The following CNTN6 variants were observed in gnomAD, a reference collection of about 807,000 sequenced individuals.
CNTN6 encodes contactin 6, also known as contactin-6.
A neutral mutation model predicts 122.8 loss-of-function variants in CNTN6; 137 were observed. The ratio of observed to expected loss-of-function variants is 1.12; its 90% CI spans 0.97 to 1.29. The LOEUF is 1.29. Ranked by LOEUF, CNTN6 falls within the 50% of genes most tolerant of loss-of-function variation. The pLI is 0.00. For synonymous variants in CNTN6, 570 were observed against 426.0 expected (o/e 1.34, Z -4.16); for missense variants, 1,634 against 1,223.4 (o/e 1.34, Z -5.01).
intron 5 of CNTN6, among the ~76,000 whole-genome samples, chr3:1,287,314 C>G (rs1694518459): frequency 6.6e-6 from 1 of 152,124 alleles, no homozygotes; most frequent in Non-Finnish European, 1.5e-5. Flanking sequence ...TACTAGATGC[C>G]AATCGCACTG....
chr3:1,258,605 A>C (rs1341387201), intron 4 of CNTN6, among the ~76,000 whole-genome samples: 3 of 152,086 alleles, frequency 2.0e-5, no homozygotes, highest in Non-Finnish European at 4.4e-5. Context: ...TTAGTCTTTC[A>C]AATAAAAGAA....
Position 1,295,639 on chromosome 3 carries a change from T to C in CNTN6, c.493T>C (p.Tyr165His), listed in dbSNP as rs757959832. ...ATGGACCTTCAATGATAACCCCTTA[T>C]ACGTCCAAGAGGACAATAGGCGATT... ...YAWTFNDNPL[Y>H]VQEDNRRFVS... Residue 165 changes from tyrosine (Y) to histidine (H), a missense_variant, in exon 6 of 23, where the codon TAC becomes CAC. By Grantham distance (83) the Tyr-to-His change is moderately conservative. Coordinates refer to ENST00000446702, the MANE Select transcript of CNTN6 (RefSeq NM_001289080.2). 6.2e-7 allele frequency: 1 copy of C among 1,613,874 alleles called. No homozygotes were observed. The highest frequency in any genetic ancestry group is 8.5e-7 in the Non-Finnish European group (1 of 1,179,880).
At chr3:1,385,132 TTC>T (rs1379029598) in intron 19 of CNTN6, among the ~76,000 whole-genome samples, 3 of 152,092 alleles carry the variant, frequency 2.0e-5, no homozygotes, top group South Asian at 2.1e-4. Context: ...ACTTAATTTA[TTC>T]TCTTTTTTTT....
intron 2 of CNTN6, among the ~76,000 whole-genome samples, chr3:1,156,704 C>T (rs1365442522): frequency 8.4e-6 from 1 of 119,096 alleles, no homozygotes. Context: ...TTCCTTCCTT[C>T]CTTCCTTCTT....
chr3:1,197,098 C>A (rs1017130749), intron 2 of CNTN6, among the ~76,000 whole-genome samples: 1 of 152,222 alleles, frequency 6.6e-6, no homozygotes, highest in Non-Finnish European at 1.5e-5. Flanking sequence ...CCAAGCTCTC[C>A]TCTTGATTGC....
chr3:1,200,434 T>G (rs2093846635), intron 2 of CNTN6, among the ~76,000 whole-genome samples: 2 of 152,148 alleles, frequency 1.3e-5, no homozygotes, highest in South Asian at 4.1e-4. Flanking sequence ...ATGGAGGCCA[T>G]CTGTGGTACC....
At chr3:1,342,948 T>C (rs1424193885) in intron 11 of CNTN6, among the ~76,000 whole-genome samples, 1 of 152,136 alleles carries the variant, frequency 6.6e-6, no homozygotes, top group Non-Finnish European at 1.5e-5. Flanking sequence ...TGCCTGCCTC[T>C]CCTGCCTCTC....
At chr3:1,388,463 A>G (rs1410095452) in intron 20 of CNTN6, among the ~76,000 whole-genome samples, 4 of 151,796 alleles carry the variant, frequency 2.6e-5, no homozygotes, top group African/African-American at 9.7e-5. Context: ...AAGATGGGGA[A>G]AAAACAGAAC....
chr3:1,296,354 C>A (rs1290215505), intron 6 of CNTN6, among the ~76,000 whole-genome samples: 1 of 152,088 alleles, frequency 6.6e-6, no homozygotes, highest in African/African-American at 2.4e-5. Context: ...AATTATATTC[C>A]TCCAAGGAAC....
At chr3:1,144,311 C>G (rs968976609) in intron 1 of CNTN6, among the ~76,000 whole-genome samples, 2 of 152,108 alleles carry the variant, frequency 1.3e-5, no homozygotes, top group South Asian at 2.1e-4. Context: ...CACTGTGGCT[C>G]ACACCTGTAA....
At chr3:1,249,935 T>G (rs535046254) in intron 4 of CNTN6, among the ~76,000 whole-genome samples, 2 of 152,166 alleles carry the variant, frequency 1.3e-5, no homozygotes, top group Non-Finnish European at 2.9e-5. Context: ...TGTTTCTGTT[T>G]TGTTTTTTTG....
At chr3:1,279,762 C>G (rs1693040810) in intron 5 of CNTN6, among the ~76,000 whole-genome samples, 1 of 152,122 alleles carries the variant, frequency 6.6e-6, no homozygotes, top group African/African-American at 2.4e-5. Flanking sequence ...TATTTATGAG[C>G]CTTGAGAAAC....
intron 1 of CNTN6, among the ~76,000 whole-genome samples, chr3:1,127,934 A>G (rs1002336117): frequency 3.3e-5 from 5 of 151,946 alleles, no homozygotes; most frequent in African/African-American, 1.2e-4. Flanking sequence ...AAACCAAAGG[A>G]TATGCCTTTT....
chr3:1,218,541 C>G (rs1353526100), intron 2 of CNTN6, among the ~76,000 whole-genome samples: 1 of 152,008 alleles, frequency 6.6e-6, no homozygotes, highest in Non-Finnish European at 1.5e-5. Flanking sequence ...GAGTGGACAT[C>G]AGGACCTGAG....
intron 8 of CNTN6, among the ~76,000 whole-genome samples, chr3:1,323,724 T>A (rs1018611970): frequency 3.3e-5 from 5 of 151,786 alleles, no homozygotes; most frequent in Admixed American, 6.6e-5. Flanking sequence ...AGGAGTTAAG[T>A]GGCTTTTCAT....
In CNTN6 at chr3:1,295,067, A is replaced by G. The variant is rs1471113134; in HGVS notation, c.455-534A>G. 3.3e-5 allele frequency among the ~76,000 whole-genome samples: 5 copies of G among 152,234 alleles called. No homozygotes were observed. The East Asian group carries it at 9.6e-4, about 29-fold the overall frequency. ...CAGGAGTTGGAGACCAGCTGGGGCA[A>G]CATAGTGAGACCCCATCTCTTTAAA... On this transcript the variant is annotated intron_variant, in intron 5 of 22. Transcript: ENST00000446702.
At chr3:1,269,093 T>C (rs142408484) in intron 4 of CNTN6, among the ~76,000 whole-genome samples, 43 of 152,336 alleles carry the variant, frequency 2.8e-4, no homozygotes, top group African/African-American at 1.0e-3. Context: ...ATATATTTTG[T>C]ACTTAACATC....
intron 17 of CNTN6, among the ~76,000 whole-genome samples, chr3:1,377,605 A>C (rs1367955658): frequency 6.6e-6 from 1 of 152,180 alleles, no homozygotes; most frequent in African/African-American, 2.4e-5. Flanking sequence ...GTACACTTCA[A>C]ACTGGAGTAT....
At chr3:1,275,552 T>G (rs1692185707) in intron 4 of CNTN6, among the ~76,000 whole-genome samples, 1 of 152,186 alleles carries the variant, frequency 6.6e-6, no homozygotes, top group Non-Finnish European at 1.5e-5. Flanking sequence ...TGCCAAAAGT[T>G]TAAGAGTCAC....
Sources: gnomAD v4.1 joint callset for allele counts (sites outside exome capture counted in the v4.1 genomes callset) on GRCh38, gnomAD v4.1.1 for gene constraint, MANE v1.5 for transcripts, NCBI Gene and HGNC (gene_info 2026-07-23, HGNC 2026-07-21) for gene names.